SNAP91: variants seen among roughly 807,000 people sequenced by gnomAD.
SNAP91 encodes the protein clathrin coat assembly protein AP180.
In SNAP91, 27 loss-of-function variants were observed where a neutral mutation model predicts 100.3. That is an observed-to-expected ratio of 0.27 (90% CI 0.20 to 0.37). SNAP91 has a LOEUF of 0.37. SNAP91 is among the 10% of genes least tolerant of loss of function. The pLI, the probability that SNAP91 is intolerant of heterozygous loss-of-function variation, is 1.00. For synonymous variants in SNAP91, 404 were observed against 398.6 expected (o/e 1.01, Z -0.16); for missense variants, 986 against 1,123.7 (o/e 0.88, Z 1.75).
chr6:83,704,524 T>C (rs2099355313), intron 2 of SNAP91, among the ~76,000 whole-genome samples: 1 of 152,168 alleles, frequency 6.6e-6, no homozygotes, highest in Admixed American at 6.6e-5. Context: ...TTTCTTCAAG[T>C]GTATAAATCA....
At position 83,569,384 on chromosome 6, in the gene SNAP91, C is replaced by T. The variant is rs998325649; in HGVS notation, c.2442+5626G>A. 2.6e-5 allele frequency among the ~76,000 whole-genome samples: 4 copies of T among 152,120 alleles called. No homozygotes were observed. The South Asian group carries it at 8.3e-4, about 32-fold the overall frequency. On this transcript the variant is annotated intron_variant, in intron 26 of 29. Coordinates refer to ENST00000369694, the MANE Select transcript of SNAP91 (RefSeq NM_001242792.2). ...GAGTTTTGGGGTTAAAAAAATGAGA[C>T]AATCTCAGTCTGTGAAAGTGCCTAC...
In SNAP91 at chr6:83,598,205, ATTTATAAAT is replaced by A. The variant is rs985769801; in HGVS notation, c.1324+3057_1324+3065del. Among the ~76,000 whole-genome samples the A allele has an allele frequency of 1.6e-4, 25 of 152,302 alleles. No homozygotes were observed. In the East Asian group the frequency reaches 4.8e-3, roughly 29 times the overall value. On this transcript the variant is annotated intron_variant, in intron 16 of 29. Coordinates refer to ENST00000369694, the MANE Select transcript of SNAP91 (RefSeq NM_001242792.2). Reference sequence around the variant, plus strand: ...GATTTTGCCTTTTATTTTTGTCAATATTTATAAATTTTACTAAATTTTAAAGGCGTAACA... The same window carrying A: ...GATTTTGCCTTTTATTTTTGTCAATATTTACTAAATTTTAAAGGCGTAACA...
At chr6:83,557,851 G>A (rs927063817) in intron 28 of SNAP91, among the ~76,000 whole-genome samples, 1 of 151,750 alleles carries the variant, frequency 6.6e-6, no homozygotes, top group Non-Finnish European at 1.5e-5. Context: ...ATGAAAGAAT[G>A]CTGCGATAGT....
chr6:83,669,149 C>T (rs1456158353), intron 2 of SNAP91, among the ~76,000 whole-genome samples: 1 of 151,920 alleles, frequency 6.6e-6, no homozygotes, highest in Non-Finnish European at 1.5e-5. Context: ...GAGGTCGAAC[C>T]ATCATAGGTC....
chr6:83,697,485 A>C (rs1260123907), intron 2 of SNAP91, among the ~76,000 whole-genome samples: 1 of 152,168 alleles, frequency 6.6e-6, no homozygotes. Flanking sequence ...AATTATGGAT[A>C]TAATTGTTAA....
At chr6:83,586,241 T>C (rs2092598108) in intron 22 of SNAP91, among the ~76,000 whole-genome samples, 1 of 152,182 alleles carries the variant, frequency 6.6e-6, no homozygotes, top group South Asian at 2.1e-4. Flanking sequence ...TTATAGGAAA[T>C]TGTTACTTTT....
rs200801357 is a variant in SNAP91 at position 83,601,558 on chromosome 6, G to C, written c.1156+27C>G. The C allele has an allele frequency of 9.4e-5, 151 of 1,613,118 alleles. No individual in the cohort carries two copies. The African/African-American group carries it at 1.7e-3, about 19-fold the overall frequency. ...TTACATACAGAAGTCTGTCAAAATGGAAGTTTAAAAACAAAGCTTTACTCA... is the reference window on the plus strand; with the variant it reads ...TTACATACAGAAGTCTGTCAAAATGCAAGTTTAAAAACAAAGCTTTACTCA... On this transcript the variant is annotated intron_variant, in intron 15 of 29. Coordinates refer to ENST00000369694, the MANE Select transcript of SNAP91 (RefSeq NM_001242792.2).
chr6:83,649,467 C>T (rs1290954131), intron 7 of SNAP91, among the ~76,000 whole-genome samples: 1 of 152,198 alleles, frequency 6.6e-6, no homozygotes, highest in Non-Finnish European at 1.5e-5. Context: ...GTGTCTCTTA[C>T]AACTTAGTGT....
At chr6:83,592,634 C>T in intron 20 of SNAP91, 96 bp from the exon 21 acceptor site, 2 of 983,876 alleles carry the variant, frequency 2.0e-6, no homozygotes, top group Non-Finnish European at 3.1e-6. Context: ...TCATGGTTCA[C>T]TCCAGGCAGA....
Position 83,575,088 on chromosome 6 carries a change from CT to C in SNAP91, c.2363del (p.Lys788SerfsTer2). The C allele has an allele frequency of 1.2e-6, 2 of 1,607,876 alleles. No homozygotes were observed. The highest frequency in any genetic ancestry group is 1.7e-6 in the Non-Finnish European group (2 of 1,176,910). ...GDLQWNAGEK[K>X]LTGGANWQPK... Reference sequence around the variant, plus strand: ...GCTGCCAGTTGGCTCCACCAGTCAACTTTTTCTCTCCAGCATTCCACTGAAG... The same window carrying C: ...GCTGCCAGTTGGCTCCACCAGTCAACTTTTCTCTCCAGCATTCCACTGAAG... On this transcript the variant is annotated frameshift_variant, in exon 26 of 30. Coordinates refer to ENST00000369694, the MANE Select transcript of SNAP91 (RefSeq NM_001242792.2). LOFTEE classifies it high-confidence loss of function.
At chr6:83,567,778 A>C (rs1465518091) in intron 26 of SNAP91, among the ~76,000 whole-genome samples, 2 of 152,256 alleles carry the variant, frequency 1.3e-5, no homozygotes, top group Non-Finnish European at 2.9e-5. Context: ...AGAGAAATGC[A>C]AATCAAAACC....
At chr6:83,615,161 G>A (rs77884199) in intron 10 of SNAP91, among the ~76,000 whole-genome samples, 6,499 of 152,066 alleles carry the variant, frequency 0.043, 455 homozygotes, top group African/African-American at 0.15. Context: ...ACAAGGGGGC[G>A]AATTTAGATT....
intron 23 of SNAP91, 38 bp downstream of exon 23, chr6:83,582,179 TACCAG>T: frequency 6.2e-7 from 1 of 1,606,984 alleles, no homozygotes; most frequent in Admixed American, 1.7e-5. Flanking sequence ...TTTTTTTTAT[TACCAG>T]GACACATGAA....
At chr6:83,642,392 A>G (rs914982151) in intron 7 of SNAP91, among the ~76,000 whole-genome samples, 2 of 151,786 alleles carry the variant, frequency 1.3e-5, no homozygotes, top group African/African-American at 4.8e-5. Flanking sequence ...TCCTGTGTCC[A>G]AGTGTTCTCA....
intron 26 of SNAP91, among the ~76,000 whole-genome samples, chr6:83,563,836 T>C (rs1452110287): frequency 1.3e-5 from 2 of 152,148 alleles, no homozygotes; most frequent in Non-Finnish European, 2.9e-5. Context: ...CTATAGAACA[T>C]TGTTGAAAGA....
intron 2 of SNAP91, among the ~76,000 whole-genome samples, chr6:83,667,047 T>G (rs891173480): frequency 2.6e-5 from 4 of 152,114 alleles, no homozygotes; most frequent in African/African-American, 9.7e-5. Context: ...ATACTTTAGC[T>G]AAAATAATCA....
chr6:83,666,093 T>C (rs550203310), intron 2 of SNAP91, among the ~76,000 whole-genome samples: 1 of 152,068 alleles, frequency 6.6e-6, no homozygotes, highest in Non-Finnish European at 1.5e-5. Context: ...GGTCAAATAT[T>C]AAAAGAGAAA....
chr6:83,675,827 A>AACATACACACAC (rs2098863997), intron 2 of SNAP91, among the ~76,000 whole-genome samples: 1 of 138,198 alleles, frequency 7.2e-6, no homozygotes, highest in East Asian at 2.2e-4. Flanking sequence ...CACTTGAAGG[A>AACATACACACAC]ACACACACAC....
At position 83,577,493 on chromosome 6, in the gene SNAP91, C is replaced by T. The variant is rs139156733; in HGVS notation, c.2300-1440G>A. On this transcript the variant is annotated intron_variant, in intron 24 of 29. Coordinates refer to ENST00000369694, the MANE Select transcript of SNAP91 (RefSeq NM_001242792.2). The stretch of plus-strand genomic sequence containing the variant: ...AAAAGCAAAAGAAAGCAGAAGTGTA[C>T]CTTACATATGTATACATGAATCCCT... Among the ~76,000 whole-genome samples, 1,290 of 152,066 alleles carry T rather than the reference C, an allele frequency of 8.5e-3. 14 individuals carry two copies. Among genetic ancestry groups the T allele is most frequent in the African/African-American group, 0.029 (1,207 of 41,450 alleles).
Sources: allele counts gnomAD v4.1 joint callset (sites outside exome capture counted in the v4.1 genomes callset), GRCh38; gene constraint gnomAD v4.1.1; transcripts MANE v1.5; gene names NCBI Gene and HGNC (gene_info 2026-07-23, HGNC 2026-07-21).